CCDC178: variants seen among roughly 807,000 people sequenced by gnomAD.
The protein encoded by CCDC178 is coiled-coil domain-containing protein 178.
In CCDC178, 126 loss-of-function variants were observed where a neutral mutation model predicts 117.4. The observed-to-expected ratio is 1.07, with a 90% CI of 0.93 to 1.24. CCDC178 has a LOEUF of 1.24. Among genes scored for constraint, CCDC178 ranks in the 50% most tolerant of loss-of-function variants. The pLI is 0.00. For synonymous variants in CCDC178, 283 were observed against 313.4 expected (o/e 0.90, Z 1.02); for missense variants, 1,030 against 986.9 (o/e 1.04, Z -0.59).
chr18:33,054,909 T>A (rs2056803734), intron 21 of CCDC178, among the ~76,000 whole-genome samples: 1 of 152,222 alleles, frequency 6.6e-6, no homozygotes, highest in South Asian at 2.1e-4. Context: ...GTGTTGCTTT[T>A]ACTCCACTTC....
intron 3 of CCDC178, among the ~76,000 whole-genome samples, chr18:33,410,839 T>C (rs753872783): frequency 2.6e-5 from 4 of 152,314 alleles, no homozygotes; most frequent in Middle Eastern, 3.4e-3. Flanking sequence ...GTTCTGCGCA[T>C]TGGCCTGAAG....
chr18:33,395,130 G>A (rs552224441), intron 4 of CCDC178, among the ~76,000 whole-genome samples: 3 of 150,624 alleles, frequency 2.0e-5, no homozygotes, highest in African/African-American at 7.3e-5. Context: ...AATTTGGGCT[G>A]GGTTTGATGA....
intron 20 of CCDC178, among the ~76,000 whole-genome samples, chr18:33,190,113 T>G (rs1463752301): frequency 2.6e-5 from 4 of 152,182 alleles, no homozygotes; most frequent in Non-Finnish European, 5.9e-5. Flanking sequence ...GAACTCTCCA[T>G]GAGCCCCCGC....
rs147562453 is a variant in CCDC178, at chr18:33,155,175, A to G, written c.2238+56721T>C. Reference sequence around the variant, plus strand: ...GTACAACGTATGTTCTCTGACCAACATAGACTTCATTGTAAACCAATGACA... The same window carrying G: ...GTACAACGTATGTTCTCTGACCAACGTAGACTTCATTGTAAACCAATGACA... On this transcript the variant is annotated intron_variant, in intron 20 of 22. Coordinates refer to ENST00000383096, the MANE Select transcript of CCDC178 (RefSeq NM_001105528.4). Among the ~76,000 whole-genome samples the G allele has an allele frequency of 2.1e-3, 326 of 152,278 alleles. 3 individuals carry two copies. The highest frequency in any genetic ancestry group is 2.3e-3 in the Non-Finnish European group (156 of 67,984).
intron 2 of CCDC178, among the ~76,000 whole-genome samples, chr18:33,416,625 A>G (rs1339189653): frequency 6.6e-6 from 1 of 152,120 alleles, no homozygotes; most frequent in Admixed American, 6.5e-5. Context: ...CAACTCTCCC[A>G]GCACCTCATG....
intron 21 of CCDC178, among the ~76,000 whole-genome samples, chr18:33,052,739 C>T (rs2056766305): frequency 6.6e-6 from 1 of 152,138 alleles, no homozygotes; most frequent in Admixed American, 6.5e-5. Context: ...AGTTTCTGTG[C>T]TAGCTCCTCA....
intron 2 of CCDC178, among the ~76,000 whole-genome samples, chr18:33,426,175 C>T (rs1365570308): frequency 6.6e-6 from 1 of 152,204 alleles, no homozygotes; most frequent in Non-Finnish European, 1.5e-5. Flanking sequence ...TCCTGAAGTG[C>T]TGGGATTACA....
chr18:32,965,827 T>C (rs992276626), intron 22 of CCDC178, among the ~76,000 whole-genome samples: 10 of 151,006 alleles, frequency 6.6e-5, no homozygotes. Flanking sequence ...AATTTTTTTG[T>C]ACTTCTGATA....
rs77643516 is a variant in CCDC178, at chr18:33,235,207, A to G, written c.1594-8352T>C. On this transcript the variant is annotated intron_variant, in intron 15 of 22. Transcript: ENST00000383096. ...CACTCAAGGCAAGTCATAGACTTCTAAAGTTATGCACCAGATTACTGTGGA... is the reference window on the plus strand; with the variant it reads ...CACTCAAGGCAAGTCATAGACTTCTGAAGTTATGCACCAGATTACTGTGGA... Among the ~76,000 whole-genome samples the G allele has an allele frequency of 4.8e-3, 731 of 152,314 alleles. 6 individuals carry two copies. The highest frequency in any genetic ancestry group is 0.017 in the African/African-American group (702 of 41,574).
intron 10 of CCDC178, among the ~76,000 whole-genome samples, chr18:33,328,307 T>C (rs2062616386): frequency 6.6e-6 from 1 of 152,032 alleles, no homozygotes; most frequent in African/African-American, 2.4e-5. Flanking sequence ...TTCACCATGT[T>C]GGCCAGGATG....
At chr18:33,270,271 C>G (rs567795445) in intron 12 of CCDC178, among the ~76,000 whole-genome samples, 1 of 150,742 alleles carries the variant, frequency 6.6e-6, no homozygotes, top group East Asian at 2.0e-4. Flanking sequence ...AATATACATA[C>G]AAAAGTAAAA....
chr18:33,323,567 T>C lies in CCDC178; in HGVS notation c.946A>G (p.Arg316Gly). The change falls in exon 11 of 23, where the codon AGA becomes GGA. Residue 316 changes from arginine to glycine, a missense_variant. Coordinates refer to ENST00000383096, the MANE Select transcript of CCDC178 (RefSeq NM_001105528.4). Reference protein sequence around the residue: ...EEALEACENARLKAQQIKEEI... With the variant: ...EEALEACENAGLKAQQIKEEI... ...TCTTTAATTTGCTGAGCCTTCAATC[T>C]GGCATTTTCACAGGCTTCTAAAGCT... The C allele has an allele frequency of 6.3e-7, 1 of 1,575,314 alleles. No homozygotes were observed. Among genetic ancestry groups the C allele is most frequent in the Non-Finnish European group, 8.6e-7 (1 of 1,159,730 alleles).
At chr18:32,979,944 T>C (rs1001933325) in intron 21 of CCDC178, among the ~76,000 whole-genome samples, 2 of 152,132 alleles carry the variant, frequency 1.3e-5, no homozygotes, top group Non-Finnish European at 2.9e-5. Context: ...GAGATATCAC[T>C]ACAAATCAGT....
intron 20 of CCDC178, among the ~76,000 whole-genome samples, chr18:33,122,834 C>G (rs1217181798): frequency 6.6e-6 from 1 of 152,156 alleles, no homozygotes; most frequent in Non-Finnish European, 1.5e-5. Context: ...GACTTATCAA[C>G]TTCTTCTGGG....
chr18:33,069,425 GAAA>G (rs2057072586), intron 21 of CCDC178, among the ~76,000 whole-genome samples: 2 of 152,180 alleles, frequency 1.3e-5, no homozygotes, highest in Non-Finnish European at 2.9e-5. Context: ...ATATAGTGAG[GAAA>G]GGATACCCTC....
intron 10 of CCDC178, among the ~76,000 whole-genome samples, chr18:33,329,874 A>AGTGTGT (rs764565977): frequency 0.053 from 4,013 of 75,352 alleles, 88 homozygotes; most frequent in Admixed American, 0.08. Context: ...GAGAATTATT[A>AGTGTGT]GAGTGTGTGT....
intron 20 of CCDC178, among the ~76,000 whole-genome samples, chr18:33,149,747 A>G (rs931030359): frequency 6.6e-6 from 1 of 152,226 alleles, no homozygotes; most frequent in East Asian, 1.9e-4. Flanking sequence ...TATTCTAAAT[A>G]ATTGACTAAA....
intron 21 of CCDC178, among the ~76,000 whole-genome samples, chr18:33,004,066 G>A (rs2055700100): frequency 1.3e-5 from 2 of 151,988 alleles, no homozygotes; most frequent in Admixed American, 1.3e-4. Context: ...TCATGGATTG[G>A]AAGAATCAAT....
chr18:33,183,507 TA>T (rs1347331496), intron 20 of CCDC178, among the ~76,000 whole-genome samples: 2 of 151,996 alleles, frequency 1.3e-5, no homozygotes, highest in Non-Finnish European at 2.9e-5. Context: ...CCTTTAACTA[TA>T]AAAAATTGGC....
Sources: allele counts gnomAD v4.1 joint callset (sites outside exome capture counted in the v4.1 genomes callset), GRCh38; gene constraint gnomAD v4.1.1; transcripts MANE v1.5; gene names NCBI Gene and HGNC (gene_info 2026-07-23, HGNC 2026-07-21).